The following BTC variants were observed in gnomAD, a reference collection of about 807,000 sequenced individuals.
BTC encodes the protein betacellulin.
Under a neutral mutation model 18.1 loss-of-function variants are expected in BTC, and 13 were observed. That is an observed-to-expected ratio of 0.72 (90% confidence interval 0.47 to 1.14). The LOEUF (loss-of-function observed/expected upper bound fraction) is 1.14, where lower values mean the gene tolerates loss of function less well. Among genes scored for constraint, BTC ranks in the 50% most tolerant of loss-of-function variants. The probability of loss-of-function intolerance (pLI) is 0.00; values close to 1 mark genes in which losing one functional copy is unlikely to be tolerated. For synonymous variants in BTC, 83 were observed against 79.4 expected, an observed-to-expected ratio of 1.05 and a Z score of -0.24; for missense variants, 247 against 224.2, an observed-to-expected ratio of 1.10 and a Z score of -0.65.
At chr4:74,761,464 T>G (rs1480946091) in intron 2 of BTC, among the ~76,000 whole-genome samples, 1 of 152,212 alleles carries the variant, frequency 6.6e-6, no homozygotes, top group Non-Finnish European at 1.5e-5. Context: ...GTTTACATCC[T>G]AGTTTACATC....
intron 1 of BTC, among the ~76,000 whole-genome samples, chr4:74,773,955 G>A (rs1173152458): frequency 1.4e-5 from 2 of 147,918 alleles, no homozygotes; most frequent in African/African-American, 2.6e-5. Flanking sequence ...GTACAACAAC[G>A]ATGATAATGC....
intron 4 of BTC, among the ~76,000 whole-genome samples, chr4:74,748,393 G>A (rs1161662370): frequency 5.3e-5 from 8 of 152,184 alleles, no homozygotes; most frequent in African/African-American, 9.6e-5. Context: ...AAAATTGGCC[G>A]GACGTGGTGG....
chr4:74,765,275 GAGAT>G (rs915248153), intron 2 of BTC, among the ~76,000 whole-genome samples: 3 of 151,916 alleles, frequency 2.0e-5, no homozygotes, highest in East Asian at 1.9e-4. Flanking sequence ...TTTCAACAAA[GAGAT>G]AGAAAATATT....
chr4:74,794,177 G>A (rs1725708708), intron 1 of BTC, 85 bp downstream of exon 1: 1 of 1,513,898 alleles, frequency 6.6e-7, no homozygotes. Flanking sequence ...TTGTCCAGAT[G>A]CCAGCTCGGT....
chr4:74,791,455 T>G (rs894548522), intron 1 of BTC, among the ~76,000 whole-genome samples: 1 of 152,256 alleles, frequency 6.6e-6, no homozygotes, highest in African/African-American at 2.4e-5. Flanking sequence ...GGATTTCTAC[T>G]GACTTAGAAA....
intron 1 of BTC, among the ~76,000 whole-genome samples, chr4:74,786,650 A>T (rs1725485136): frequency 6.6e-6 from 1 of 152,234 alleles, no homozygotes; most frequent in African/African-American, 2.4e-5. Context: ...CTGACATCTC[A>T]CAGAATTCAA....
intron 2 of BTC, among the ~76,000 whole-genome samples, chr4:74,765,914 C>T (rs1225565345): frequency 1.3e-5 from 2 of 152,046 alleles, no homozygotes; most frequent in African/African-American, 2.4e-5. Context: ...ATAGAGTGTA[C>T]TTACACAAAT....
intron 1 of BTC, among the ~76,000 whole-genome samples, chr4:74,772,864 G>T (rs1725079863): frequency 6.6e-6 from 1 of 152,318 alleles, no homozygotes; most frequent in Non-Finnish European, 1.5e-5. Flanking sequence ...TGCTCACAGA[G>T]GGAGTTCTAA....
chr4:74,761,796 C>A (rs1302908028), intron 2 of BTC, among the ~76,000 whole-genome samples: 1 of 152,194 alleles, frequency 6.6e-6, no homozygotes, highest in Non-Finnish European at 1.5e-5. Flanking sequence ...TATGACGACA[C>A]CTTTAACTAG....
chr4:74,760,980 T>A (rs113452269), intron 2 of BTC, among the ~76,000 whole-genome samples: 2,268 of 152,178 alleles, frequency 0.015, 90 homozygotes, highest in Admixed American at 0.079. Flanking sequence ...GTGATCCGCC[T>A]GCCTCAGCCT....
intron 1 of BTC, 48 bp downstream of exon 1, chr4:74,794,214 A>T: frequency 6.5e-7 from 1 of 1,548,460 alleles, no homozygotes; most frequent in Non-Finnish European, 8.7e-7. Context: ...CCGCGACTCC[A>T]GCCCCAGACT....
chr4:74,761,551 T>C (rs1724758371), intron 2 of BTC, among the ~76,000 whole-genome samples: 1 of 152,214 alleles, frequency 6.6e-6, no homozygotes, highest in Non-Finnish European at 1.5e-5. Flanking sequence ...ACTATCAAAA[T>C]AGAATATTTG....
At chr4:74,754,193 T>C (rs1212811679) in intron 3 of BTC, among the ~76,000 whole-genome samples, 6 of 152,212 alleles carry the variant, frequency 3.9e-5, no homozygotes, top group Admixed American at 2.6e-4. Context: ...AGATGTTCCA[T>C]TCAGATTAAG....
intron 1 of BTC, among the ~76,000 whole-genome samples, chr4:74,791,723 G>A (rs1725633720): frequency 6.6e-6 from 1 of 152,120 alleles, no homozygotes; most frequent in Non-Finnish European, 1.5e-5. Flanking sequence ...TGTATTTAAG[G>A]AGCATCTACA....
chr4:74,761,072 T>C (rs539462777), intron 2 of BTC, among the ~76,000 whole-genome samples: 107 of 152,220 alleles, frequency 7.0e-4, no homozygotes, highest in Non-Finnish European at 1.4e-3. Context: ...GCCAACCATT[T>C]CTGAGCTTAT....
At chr4:74,776,641 G>A (rs1315672020) in intron 1 of BTC, among the ~76,000 whole-genome samples, 2 of 152,156 alleles carry the variant, frequency 1.3e-5, no homozygotes, top group East Asian at 3.8e-4. Context: ...CTGACAAGGA[G>A]CATGACACGC....
rs188173576 is a variant in BTC at position 74,785,343 on chromosome 4, C to T, written c.64+8919G>A. 1.8e-3 allele frequency among the ~76,000 whole-genome samples: 271 copies of T among 152,036 alleles called. 1 individual carries two copies. The highest frequency in any genetic ancestry group is 0.01 in the Middle Eastern group (3 of 294). ...CTTCTTTATTAGTCTAGTTAGCTGT[C>T]TATTTTATTAATTTTTTCAAAACGC... On this transcript the variant is annotated intron_variant, in intron 1 of 5. Transcript: ENST00000395743.
intron 1 of BTC, among the ~76,000 whole-genome samples, chr4:74,787,892 G>A (rs907941338): frequency 6.6e-6 from 1 of 152,096 alleles, no homozygotes; most frequent in Non-Finnish European, 1.5e-5. Flanking sequence ...TACATGATTA[G>A]GGAACAGGGA....
At chr4:74,781,582 C>G (rs1343918374) in intron 1 of BTC, among the ~76,000 whole-genome samples, 1 of 152,000 alleles carries the variant, frequency 6.6e-6, no homozygotes, top group African/African-American at 2.4e-5. Flanking sequence ...AAAATCCACC[C>G]CCATTGTTGG....
Sources: allele counts gnomAD v4.1 joint callset (sites outside exome capture counted in the v4.1 genomes callset), GRCh38; gene constraint gnomAD v4.1.1; transcripts MANE v1.5; gene names NCBI Gene and HGNC (gene_info 2026-07-23, HGNC 2026-07-21).